CAMTA1: variants seen among roughly 807,000 people sequenced by gnomAD.
CAMTA1 encodes calmodulin-binding transcription activator 1.
Under a neutral mutation model 170.9 loss-of-function variants are expected in CAMTA1, and 27 were observed. The observed-to-expected ratio is 0.16, with a 90% CI of 0.12 to 0.22. CAMTA1 has a LOEUF of 0.22. CAMTA1 is among the 10% of genes least tolerant of loss of function. CAMTA1 has a pLI of 1.00. For missense variants in CAMTA1, 1,619 were observed against 2,217.2 expected (o/e 0.73, Z 5.42); for synonymous variants, 833 against 891.5 (o/e 0.93, Z 1.17).
intron 3 of CAMTA1, among the ~76,000 whole-genome samples, chr1:7,089,126 T>C (rs1237416861): frequency 6.6e-6 from 1 of 152,162 alleles, no homozygotes; most frequent in South Asian, 2.1e-4. Flanking sequence ...GTAGATCTTA[T>C]AACGATTCAT....
At chr1:7,765,268 G>A (rs182286796) in intron 22 of CAMTA1, among the ~76,000 whole-genome samples, 195 of 152,286 alleles carry the variant, frequency 1.3e-3, no homozygotes, top group African/African-American at 4.4e-3. Context: ...AGGCAGGTTC[G>A]TAATTGTCAG....
intron 3 of CAMTA1, among the ~76,000 whole-genome samples, chr1:6,936,738 C>T (rs997504687): frequency 2.0e-5 from 3 of 152,126 alleles, no homozygotes; most frequent in Non-Finnish European, 2.9e-5. Flanking sequence ...CCTGTAATCC[C>T]AGCACTTTGG....
At chr1:7,030,070 AT>A (rs1224517698) in intron 3 of CAMTA1, among the ~76,000 whole-genome samples, 13 of 152,232 alleles carry the variant, frequency 8.5e-5, no homozygotes, top group African/African-American at 3.1e-4. Context: ...TAGTATTTTA[AT>A]AGCCATTTCA....
intron 1 of CAMTA1, among the ~76,000 whole-genome samples, chr1:6,789,224 T>A (rs763764733): frequency 9.9e-5 from 15 of 151,150 alleles, no homozygotes; most frequent in Non-Finnish European, 2.1e-4. Flanking sequence ...TCTTACTTGC[T>A]CTTTGAGACA....
Position 7,514,588 on chromosome 1 carries a change from A to G in CAMTA1, c.510+46687A>G, listed in dbSNP as rs138413508. On this transcript the variant is annotated intron_variant, in intron 6 of 22. Transcript: ENST00000303635. ...AAGGAGAAAAGAGAGATCCTTTTGC[A>G]TAGAAACAACTCATTTGGGAAATGC... is the stretch of plus-strand genomic sequence containing the variant. Among the ~76,000 whole-genome samples, 11 of 152,350 alleles carry G rather than the reference A, an allele frequency of 7.2e-5. No individual in the cohort carries two copies. The East Asian group carries it at 1.9e-3, about 27-fold the overall frequency.
chr1:6,938,315 C>T (rs759632509), intron 3 of CAMTA1, among the ~76,000 whole-genome samples: 3 of 152,046 alleles, frequency 2.0e-5, no homozygotes, highest in Non-Finnish European at 2.9e-5. Context: ...GGGACCAGGG[C>T]GGCTGAGAGA....
At chr1:7,577,899 C>A (rs946489680) in intron 6 of CAMTA1, among the ~76,000 whole-genome samples, 1 of 152,268 alleles carries the variant, frequency 6.6e-6, no homozygotes, top group South Asian at 2.1e-4. Context: ...TTTGCCAACC[C>A]CTGGCCTAGA....
In CAMTA1 at chr1:7,400,110, G is replaced by C. The variant is rs1281483763; in HGVS notation, c.439-67720G>C. 2.6e-5 allele frequency among the ~76,000 whole-genome samples: 4 copies of C among 152,282 alleles called. No homozygotes were observed. In the East Asian group the frequency reaches 7.7e-4, roughly 29 times the overall value. ...AGTCCTCTGAAAACCTCATAATGAA[G>C]ATATTTGTCAGCTTAATTGTGTCCC... is the stretch of plus-strand genomic sequence containing the variant. On this transcript the variant is annotated intron_variant, in intron 5 of 22. Coordinates refer to ENST00000303635, the MANE Select transcript of CAMTA1 (RefSeq NM_015215.4).
At chr1:7,712,791 A>G (rs2096580741) in intron 11 of CAMTA1, among the ~76,000 whole-genome samples, 1 of 152,156 alleles carries the variant, frequency 6.6e-6, no homozygotes, top group South Asian at 2.1e-4. Flanking sequence ...TCAGTTCCAC[A>G]TAGCTGGGGT....
chr1:7,244,815 C>T (rs1408435786), intron 4 of CAMTA1, among the ~76,000 whole-genome samples: 2 of 152,072 alleles, frequency 1.3e-5, no homozygotes, highest in South Asian at 2.1e-4. Flanking sequence ...ATGGGTGCAG[C>T]ACACCAACAT....
intron 11 of CAMTA1, among the ~76,000 whole-genome samples, chr1:7,731,875 C>CA (rs1355978956): frequency 6.6e-6 from 1 of 151,862 alleles, no homozygotes; most frequent in Non-Finnish European, 1.5e-5. Context: ...GAGACTGTCT[C>CA]AAAAAAGGGT....
At chr1:7,384,934 G>T (rs564810103) in intron 5 of CAMTA1, among the ~76,000 whole-genome samples, 1 of 152,206 alleles carries the variant, frequency 6.6e-6, no homozygotes, top group African/African-American at 2.4e-5. Context: ...GCGAGCGTGG[G>T]GATGGGCCCA....
chr1:7,669,184 C>T (rs1001667590), intron 9 of CAMTA1, among the ~76,000 whole-genome samples: 1 of 152,256 alleles, frequency 6.6e-6, no homozygotes, highest in African/African-American at 2.4e-5. Context: ...GTCCTGAGCT[C>T]TCTCTGCTGC....
At chr1:7,742,709 T>C (rs1222543170) in intron 16 of CAMTA1, among the ~76,000 whole-genome samples, 1 of 152,216 alleles carries the variant, frequency 6.6e-6, no homozygotes, top group Non-Finnish European at 1.5e-5. Flanking sequence ...CCTTTTAGGC[T>C]TCAGAAATTC....
rs536515335 is a variant in CAMTA1, at chr1:7,220,375, G to A, written c.303-29116G>A. On this transcript the variant is annotated intron_variant, in intron 4 of 22. Coordinates refer to ENST00000303635, the MANE Select transcript of CAMTA1 (RefSeq NM_015215.4). ...GGAATAATGGAAAGAGGCCAGGCAC[G>A]CTGGGAAATTTCCATTTACAAACCC... Among the ~76,000 whole-genome samples, 174 of 152,312 alleles carry A rather than the reference G, an allele frequency of 1.1e-3. 1 individual carries two copies. The highest frequency in any genetic ancestry group is 2.3e-3 in the Non-Finnish European group (155 of 68,032).
intron 7 of CAMTA1, among the ~76,000 whole-genome samples, chr1:7,651,369 G>T (rs772251261): frequency 1.3e-5 from 2 of 152,132 alleles, no homozygotes; most frequent in Middle Eastern, 3.2e-3. Context: ...GCCAAGCGTC[G>T]ATTCCAGCAG....
chr1:6,788,067 A>G (rs773694838), intron 1 of CAMTA1, among the ~76,000 whole-genome samples: 66 of 152,108 alleles, frequency 4.3e-4, no homozygotes, highest in Non-Finnish European at 8.7e-4. Flanking sequence ...TCATGAGAGG[A>G]TGGGGAACGT....
rs74052672 is a variant in CAMTA1, at chr1:7,324,047, T to G, written c.438+74421T>G. On this transcript the variant is annotated intron_variant, in intron 5 of 22. Transcript: ENST00000303635. The stretch of plus-strand genomic sequence containing the variant: ...CAAATCTTTTCTATTCTTCTCCTTT[T>G]GTCTATTTGATCTACCAAGCACTAA... Among the ~76,000 whole-genome samples, 1,341 of 152,340 alleles carry G rather than the reference T, an allele frequency of 8.8e-3. 17 individuals carry two copies. The highest frequency in any genetic ancestry group is 0.031 in the African/African-American group (1,280 of 41,580).
At chr1:6,943,359 G>T (rs1345873178) in intron 3 of CAMTA1, among the ~76,000 whole-genome samples, 3 of 151,940 alleles carry the variant, frequency 2.0e-5, no homozygotes. Flanking sequence ...GAGCATTGAG[G>T]GTCCCTGTGG....
Sources: allele counts gnomAD v4.1 joint callset (sites outside exome capture counted in the v4.1 genomes callset), GRCh38; gene constraint gnomAD v4.1.1; transcripts MANE v1.5; gene names NCBI Gene and HGNC (gene_info 2026-07-23, HGNC 2026-07-21).